Variants in TMEM184B observed in about 807,000 individuals in gnomAD.
TMEM184B encodes the protein putative MAPK-activating protein FM08.
In TMEM184B, 17 loss-of-function variants were observed where a neutral mutation model predicts 41.8. That is an observed-to-expected ratio of 0.41 (90% CI 0.28 to 0.61). The LOEUF (loss-of-function observed/expected upper bound fraction) is 0.61, where lower values mean the gene tolerates loss of function less well. TMEM184B is among the 20% of genes least tolerant of loss of function. The pLI is 0.34. For synonymous variants in TMEM184B, 240 were observed against 229.5 expected (o/e 1.05, Z -0.41); for missense variants, 393 against 557.8 (o/e 0.70, Z 2.98).
At chr22:38,245,807 T>G in intron 3 of TMEM184B, 128 bp downstream of exon 3, 1 of 969,734 alleles carries the variant, frequency 1.0e-6, no homozygotes, top group Non-Finnish European at 1.5e-6. Flanking sequence ...AGAAACCCTG[T>G]AGTAGGTAAA....
In TMEM184B at chr22:38,221,354, AT is replaced by A; in HGVS notation, c.*114del. 1 of 1,472,910 alleles carries A rather than the reference AT, an allele frequency of 6.8e-7. No homozygotes were observed. The highest frequency in any genetic ancestry group is 8.9e-7 in the Non-Finnish European group (1 of 1,118,542). The allele number at this position is 1,472,910 out of a possible 1,614,324, so 91.2% of individuals were successfully genotyped here. On this transcript the variant is annotated 3_prime_UTR_variant, in exon 9 of 9. Transcript: ENST00000361906. ...CATGTGAGTGTTTCTGGTCCAATAAATAAAGGCGGCGTGAGCACTGTGCCAG... is the reference window on the plus strand; with the variant it reads ...CATGTGAGTGTTTCTGGTCCAATAAAAAAGGCGGCGTGAGCACTGTGCCAG...
intron 1 of TMEM184B, among the ~76,000 whole-genome samples, chr22:38,255,666 T>C (rs1478246874): frequency 6.6e-6 from 1 of 152,224 alleles, no homozygotes; most frequent in Admixed American, 6.5e-5. Flanking sequence ...AACTCTGGTA[T>C]ATCCAGACCA....
At chr22:38,229,170 C>A (rs918393251) in intron 5 of TMEM184B, among the ~76,000 whole-genome samples, 4 of 152,246 alleles carry the variant, frequency 2.6e-5, no homozygotes, top group African/African-American at 9.6e-5. Context: ...CCAGGGCCAT[C>A]GTGACTTGGC....
chr22:38,246,163 G>A, intron 2 of TMEM184B, 63 bp from the exon 3 acceptor site: 9 of 1,567,458 alleles, frequency 5.7e-6, no homozygotes, highest in Non-Finnish European at 7.8e-6. Context: ...GAGGGCAGGT[G>A]GGCTTCCAGC....
chr22:38,249,041 A>G (rs1216625164), intron 1 of TMEM184B, among the ~76,000 whole-genome samples: 1 of 152,166 alleles, frequency 6.6e-6, no homozygotes, highest in Non-Finnish European at 1.5e-5. Context: ...TGAGACTTCT[A>G]GCCATTCCGC....
chr22:38,245,624 C>A (rs1309011235), intron 3 of TMEM184B, among the ~76,000 whole-genome samples: 1 of 141,446 alleles, frequency 7.1e-6, no homozygotes, highest in African/African-American at 2.6e-5. Flanking sequence ...CTTCCAGGTA[C>A]CTGCCTGAGA....
chr22:38,224,257 A>G (rs538177942), intron 8 of TMEM184B, among the ~76,000 whole-genome samples: 14 of 152,162 alleles, frequency 9.2e-5, no homozygotes, highest in East Asian at 3.9e-4. Flanking sequence ...TCGGACTACA[A>G]GCACCCGCCA....
downstream of TMEM184B, among the ~76,000 whole-genome samples, chr22:38,217,457 G>A (rs1337928622): frequency 1.4e-5 from 2 of 144,430 alleles, no homozygotes; most frequent in South Asian, 2.3e-4. Context: ...TGGCTAACAC[G>A]GTGAAACCCC....
intron 1 of TMEM184B, among the ~76,000 whole-genome samples, chr22:38,260,697 G>A (rs1384726627): frequency 6.6e-6 from 1 of 152,216 alleles, no homozygotes; most frequent in African/African-American, 2.4e-5. Context: ...CACTGAGAAG[G>A]TCTGGCACCA....
intron 1 of TMEM184B, among the ~76,000 whole-genome samples, chr22:38,251,087 T>C (rs2092151953): frequency 1.3e-5 from 2 of 152,148 alleles, no homozygotes; most frequent in Non-Finnish European, 2.9e-5. Context: ...GGCCATACCC[T>C]TCCTCCCATA....
intron 1 of TMEM184B, among the ~76,000 whole-genome samples, chr22:38,255,097 C>T (rs908377052): frequency 6.6e-6 from 1 of 152,250 alleles, no homozygotes; most frequent in South Asian, 2.1e-4. Context: ...ACGATCCTGG[C>T]TCACTGCAAC....
At chr22:38,222,840 A>G in intron 8 of TMEM184B, 2 of 383,508 alleles carry the variant, frequency 5.2e-6, no homozygotes, top group Non-Finnish European at 7.1e-6. Context: ...GCACCCAGGA[A>G]GCTCCAGGTG....
chr22:38,227,629 G>A (rs2091483725), intron 5 of TMEM184B, among the ~76,000 whole-genome samples: 1 of 152,186 alleles, frequency 6.6e-6, no homozygotes, highest in Admixed American at 6.5e-5. Flanking sequence ...GGACTCCAGA[G>A]TCTCAAAATC....
At chr22:38,265,588 T>C (rs1257723038) in intron 1 of TMEM184B, among the ~76,000 whole-genome samples, 1 of 152,110 alleles carries the variant, frequency 6.6e-6, no homozygotes, top group Admixed American at 6.6e-5. Context: ...AATTTCAAGG[T>C]TTCAGGGCAG....
Position 38,221,578 on chromosome 22 carries a change from G to C in TMEM184B, c.1115C>G (p.Pro372Arg). 1 of 1,614,126 alleles carries C rather than the reference G, an allele frequency of 6.2e-7. No individual in the cohort carries two copies. The highest frequency in any genetic ancestry group is 2.2e-5 in the East Asian group (1 of 44,870). The part of the protein sequence containing the change: ...QQYTQQSTLE[P>R]GPTWRGGAHG... ...GGCGCCACCACGCCAGGTGGGCCCAGGCTCCAGGGTGGACTGCTGCGTGTA... is the reference window on the plus strand; with the variant it reads ...GGCGCCACCACGCCAGGTGGGCCCACGCTCCAGGGTGGACTGCTGCGTGTA... Residue 372 changes from proline (P) to arginine (R), a missense_variant, in exon 9 of 9, where the codon CCT (proline) becomes CGT (arginine). By Grantham distance (103) the Pro-to-Arg change is moderately radical. Transcript: ENST00000361906.
chr22:38,258,979 G>T (rs2092327745), intron 1 of TMEM184B, among the ~76,000 whole-genome samples: 1 of 152,104 alleles, frequency 6.6e-6, no homozygotes, highest in African/African-American at 2.4e-5. Context: ...CTCCCAACCT[G>T]AAATCCACTG....
rs537771222 is a variant in TMEM184B, at chr22:38,235,998, C to T, written c.359-4664G>A. 3.9e-5 allele frequency among the ~76,000 whole-genome samples: 6 copies of T among 152,324 alleles called. 1 individual carries two copies. In the East Asian group the frequency reaches 1.2e-3, roughly 29 times the overall value. Reference sequence around the variant, plus strand: ...TAAATATCTACCACAGCTGGTGTGCCAGGCTCTGTGCTAAGCCCTCTCATA... The same window carrying T: ...TAAATATCTACCACAGCTGGTGTGCTAGGCTCTGTGCTAAGCCCTCTCATA... On this transcript the variant is annotated intron_variant, in intron 3 of 8. Transcript: ENST00000361906.
At chr22:38,231,467 A>C in intron 3 of TMEM184B, 133 bp from the exon 4 acceptor site, 1 of 799,838 alleles carries the variant, frequency 1.3e-6, no homozygotes, top group Non-Finnish European at 2.2e-6. Context: ...GGGGGACATA[A>C]GGTTGTGCAA....
chr22:38,225,545 G>A lies in TMEM184B; in HGVS notation c.666C>T (p.Val222=), dbSNP rs756738303. 34 of 1,606,130 alleles carry A rather than the reference G, an allele frequency of 2.1e-5. No homozygotes were observed. Among genetic ancestry groups the A allele is most frequent in the Non-Finnish European group, 2.4e-5 (28 of 1,177,008 alleles). ...LYVTIIYNIS[V]SLALYALFLF... ...GGAAGAGGGCGTAGAGGGCCAGGCT[G>A]ACGGAGATGTTGTAGATGATGGTCA... Residue 222 remains valine (V), a synonymous_variant, in exon 7 of 9, where the codon GTC becomes GTT. Transcript: ENST00000361906. The surrounding 1 kb of genome is among the most constrained non-coding windows in gnomAD (Gnocchi z 4.4).
Sources: gnomAD v4.1 joint callset for allele counts (sites outside exome capture counted in the v4.1 genomes callset) on GRCh38, gnomAD v4.1.1 for gene constraint, Gnocchi (gnomAD v3.1) non-coding constraint, MANE v1.5 for transcripts, NCBI Gene and HGNC (gene_info 2026-07-23, HGNC 2026-07-21) for gene names.